The following SPAST variants were observed in gnomAD, a reference collection of about 807,000 sequenced individuals.
The protein encoded by SPAST is spastin, also known as spastic paraplegia 4 (autosomal dominant; spastin).
SPAST carries 30 observed loss-of-function variants against 76.6 expected under a neutral mutation model. The observed-to-expected ratio is 0.39, with a 90% CI of 0.29 to 0.53. SPAST has a LOEUF of 0.53. Among genes scored for constraint, SPAST ranks in the 20% least tolerant of loss-of-function variants. The pLI, the probability that SPAST is intolerant of heterozygous loss-of-function variation, is 0.68. For missense variants in SPAST, 717 were observed against 770.5 expected (o/e 0.93, Z 0.82); for synonymous variants, 305 against 281.0 (o/e 1.09, Z -0.86).
intron 16 of SPAST, among the ~76,000 whole-genome samples, chr2:32,153,512 C>T (rs1255897459): frequency 6.6e-6 from 1 of 151,320 alleles, no homozygotes; most frequent in East Asian, 2.0e-4. Context: ...GACGGGGTTT[C>T]ACCATGTTGG....
At chr2:32,109,405 G>A (rs1361086765) in intron 4 of SPAST, among the ~76,000 whole-genome samples, 1 of 151,960 alleles carries the variant, frequency 6.6e-6, no homozygotes, top group East Asian at 1.9e-4. Context: ...CACCACGCCT[G>A]GCCTTAATTT....
At chr2:32,067,211 G>T (rs1676555983) in intron 1 of SPAST, among the ~76,000 whole-genome samples, 1 of 152,056 alleles carries the variant, frequency 6.6e-6, no homozygotes, top group African/African-American at 2.4e-5. Context: ...ACAGGTGTAT[G>T]CCACCACGCC....
intron 13 of SPAST, among the ~76,000 whole-genome samples, chr2:32,142,928 C>T (rs1679768466): frequency 6.6e-6 from 1 of 151,942 alleles, no homozygotes; most frequent in South Asian, 2.1e-4. Flanking sequence ...TTTTTTGCAG[C>T]AAAATATTTA....
intron 1 of SPAST, 29 bp from the exon 2 acceptor site, chr2:32,087,463 A>C (rs769886590): frequency 7.3e-7 from 1 of 1,368,704 alleles, no homozygotes; most frequent in Non-Finnish European, 1.0e-6. Flanking sequence ...TCTTCATACG[A>C]TCTATACAAA....
chr2:32,066,701 C>T (rs1171267209), intron 1 of SPAST, among the ~76,000 whole-genome samples: 1 of 150,956 alleles, frequency 6.6e-6, no homozygotes, highest in Non-Finnish European at 1.5e-5. Flanking sequence ...TGGCTGGGCA[C>T]GGTGGCTCAT....
chr2:32,135,118 TTG>T (rs57308975), intron 9 of SPAST, among the ~76,000 whole-genome samples: 51 of 147,248 alleles, frequency 3.5e-4, no homozygotes, highest in Middle Eastern at 3.4e-3. Flanking sequence ...TCTGATAATT[TTG>T]TGTGTGTGTG....
At chr2:32,091,959 T>C (rs79598327) in intron 3 of SPAST, among the ~76,000 whole-genome samples, 2,040 of 152,300 alleles carry the variant, frequency 0.013, 50 homozygotes, top group African/African-American at 0.046. Context: ...TTTTTGACCA[T>C]TGAATTATTA....
At chr2:32,127,980 C>CATTTTT (rs541612925) in intron 8 of SPAST, 201 of 183,642 alleles carry the variant, frequency 1.1e-3, no homozygotes, top group African/African-American at 4.4e-3. Context: ...TTATACCTTA[C>CATTTTT]ATTTTTATTT....
chr2:32,108,814 G>A lies in SPAST; in HGVS notation c.683-5824G>A, dbSNP rs183143077. On this transcript the variant is annotated intron_variant, in intron 4 of 16. Transcript: ENST00000315285. ...AGAGTCTCACTCTGTCGCCCAGGGT[G>A]GAGTGCAGTGGCGCGATCTGGGCTC... is the stretch of plus-strand genomic sequence containing the variant. Among the ~76,000 whole-genome samples the A allele has an allele frequency of 5.7e-3, 806 of 141,424 alleles. 8 individuals carry two copies. Among genetic ancestry groups the A allele is most frequent in the African/African-American group, 0.02 (762 of 38,308 alleles). 92.8% of individuals were successfully genotyped at this position (141,424 alleles called of 152,430 possible). A position where few individuals can be genotyped will look rare whatever the true frequency, so the allele number is the denominator to read the frequency against.
At chr2:32,067,284 G>A (rs1470847670) in intron 1 of SPAST, among the ~76,000 whole-genome samples, 2 of 151,988 alleles carry the variant, frequency 1.3e-5, no homozygotes, top group African/African-American at 4.8e-5. Context: ...CTGGTTTCGA[G>A]CTCCTGACCT....
At chr2:32,085,567 A>C (rs2148707319) in intron 1 of SPAST, among the ~76,000 whole-genome samples, 1 of 152,142 alleles carries the variant, frequency 6.6e-6, no homozygotes, top group African/African-American at 2.4e-5. Flanking sequence ...TTGAGCACCT[A>C]CTGTCAACCA....
chr2:32,143,337 C>A lies in SPAST; in HGVS notation c.1538C>A (p.Thr513Lys). The A allele has an allele frequency of 6.5e-7, 1 of 1,544,752 alleles. No individual in the cohort carries two copies. The highest frequency in any genetic ancestry group is 8.9e-7 in the Non-Finnish European group (1 of 1,118,676). The stretch of plus-strand genomic sequence containing the variant: ...TGATCATTTTTTAATATTTTTCAGA[C>A]AAGACTACTTTTGCTTAAAAATCTG... ...RVYVSLPNEE[T>K]RLLLLKNLLC... is the part of the protein sequence containing the mutation. Residue 513 changes from threonine (T) to lysine (K), a missense_variant and splice_region_variant, in exon 14 of 17, where the codon ACA (threonine) becomes AAA (lysine). Thr to Lys is a moderately conservative substitution (Grantham distance 78, BLOSUM62 -1). This residue lies in a region of SPAST where 96 missense variants were observed against 127.6 expected (regional missense o/e 0.75). Transcript: ENST00000315285.
intron 1 of SPAST, among the ~76,000 whole-genome samples, chr2:32,068,353 G>A (rs187222104): frequency 6.9e-5 from 10 of 145,180 alleles, no homozygotes; most frequent in Admixed American, 4.2e-4. Context: ...GCAGAGTCTC[G>A]CTTCTTCACC....
chr2:32,133,992 C>T (rs969317572), intron 9 of SPAST, among the ~76,000 whole-genome samples: 8 of 152,132 alleles, frequency 5.3e-5, no homozygotes, highest in African/African-American at 1.7e-4. Context: ...TTTCTGATCA[C>T]ATTTTACTTC....
chr2:32,070,067 AAT>A (rs201030405), intron 1 of SPAST, among the ~76,000 whole-genome samples: 47,656 of 134,610 alleles, frequency 0.35, 7,209 homozygotes, highest in East Asian at 0.57. Flanking sequence ...AAAAAAAAAA[AAT>A]TTTTTTTTTT....
At chr2:32,086,421 GT>G (rs1311668530) in intron 1 of SPAST, among the ~76,000 whole-genome samples, 1 of 151,366 alleles carries the variant, frequency 6.6e-6, no homozygotes, top group Non-Finnish European at 1.5e-5. Flanking sequence ...AGCTAGGATT[GT>G]GCCCCTGCAC....
intron 10 of SPAST, 80 bp from the exon 11 acceptor site, chr2:32,136,797 T>A: frequency 7.9e-7 from 1 of 1,269,674 alleles, no homozygotes; most frequent in Non-Finnish European, 1.1e-6. Flanking sequence ...ACTATATTAA[T>A]AAGTAGTAAA....
chr2:32,067,092 C>T (rs894145435), intron 1 of SPAST, among the ~76,000 whole-genome samples: 2 of 151,784 alleles, frequency 1.3e-5, no homozygotes, highest in African/African-American at 2.4e-5. Flanking sequence ...GACGGAGTCT[C>T]GCTCAGTTGC....
intron 1 of SPAST, among the ~76,000 whole-genome samples, chr2:32,065,567 A>G (rs2148687316): frequency 6.6e-6 from 1 of 152,318 alleles, no homozygotes; most frequent in African/African-American, 2.4e-5. Context: ...TATGGAAAAT[A>G]AGTGAAATTA....
Sources: allele counts gnomAD v4.1 joint callset (sites outside exome capture counted in the v4.1 genomes callset), GRCh38; gene constraint gnomAD v4.1.1; regional missense constraint gnomAD v4.1.1; transcripts MANE v1.5; gene names NCBI Gene and HGNC (gene_info 2026-07-23, HGNC 2026-07-21).